Variants in HFM1 observed in about 807,000 individuals in gnomAD.
HFM1 encodes the protein probable ATP-dependent DNA helicase HFM1.
HFM1 carries 169 observed loss-of-function variants against 192.1 expected under a neutral mutation model. The ratio of observed to expected loss-of-function variants is 0.88; its 90% CI spans 0.78 to 1.00. The LOEUF (loss-of-function observed/expected upper bound fraction) is 1.00. HFM1 is among the 50% of genes least tolerant of loss of function. The pLI, the probability that HFM1 is intolerant of heterozygous loss-of-function variation, is 0.00. For synonymous variants in HFM1, 525 were observed against 537.8 expected (o/e 0.98, Z 0.33); for missense variants, 1,661 against 1,668.0 (o/e 1.00, Z 0.07).
intron 20 of HFM1, chr1:91,328,353 A>G: frequency 6.5e-7 from 1 of 1,541,850 alleles, no homozygotes; most frequent in Non-Finnish European, 8.7e-7. Context: ...CGTGTCCCAA[A>G]GGCCAGTCAT....
At chr1:91,394,070 T>C (rs1231016007) in intron 4 of HFM1, 23 bp downstream of exon 4, 1 of 1,245,030 alleles carries the variant, frequency 8.0e-7, no homozygotes, top group Non-Finnish European at 1.1e-6. Context: ...CAGAATATTA[T>C]TTAGTTTAAT....
intron 2 of HFM1, among the ~76,000 whole-genome samples, 157 bp downstream of exon 2, chr1:91,400,855 A>G (rs575263361): frequency 6.6e-6 from 1 of 152,358 alleles, no homozygotes; most frequent in Admixed American, 6.5e-5. Flanking sequence ...TACTACTGGT[A>G]AGAGAATTCC....
intron 16 of HFM1, 48 bp downstream of exon 16, chr1:91,352,457 TG>T (rs766657381): frequency 7.1e-7 from 1 of 1,400,740 alleles, no homozygotes; most frequent in South Asian, 1.5e-5. Context: ...ACAATTTTTT[TG>T]TTTTTATCAT....
At chr1:91,334,078 G>A (rs1357392413) in intron 20 of HFM1, among the ~76,000 whole-genome samples, 1 of 152,108 alleles carries the variant, frequency 6.6e-6, no homozygotes, top group Admixed American at 6.5e-5. Flanking sequence ...TTATGACGTT[G>A]GGGAAAATCC....
intron 38 of HFM1, 148 bp downstream of exon 38, chr1:91,262,093 C>A: frequency 2.3e-6 from 1 of 439,354 alleles, no homozygotes; most frequent in Non-Finnish European, 4.1e-6. Context: ...AAGAGCTTAG[C>A]TCACTGAGGT....
At chr1:91,289,638 A>T (rs900289365) in intron 30 of HFM1, among the ~76,000 whole-genome samples, 18 of 152,286 alleles carry the variant, frequency 1.2e-4, no homozygotes, top group Non-Finnish European at 2.2e-4. Context: ...GGCTGGCAGA[A>T]CACTCGCAGT....
chr1:91,285,618 T>A (rs1223282069), intron 30 of HFM1, among the ~76,000 whole-genome samples: 2 of 152,272 alleles, frequency 1.3e-5, no homozygotes, highest in East Asian at 3.9e-4. Context: ...AATTTGCATA[T>A]AAAAATTGAA....
intron 11 of HFM1, among the ~76,000 whole-genome samples, chr1:91,376,370 T>C (rs995765834): frequency 6.6e-6 from 1 of 151,880 alleles, no homozygotes; most frequent in Non-Finnish European, 1.5e-5. Context: ...AAGGTTATCA[T>C]GAGTAGGGAT....
intron 30 of HFM1, among the ~76,000 whole-genome samples, chr1:91,277,999 C>T (rs1667109220): frequency 7.1e-6 from 1 of 141,028 alleles, no homozygotes. Flanking sequence ...AAAATAGGGC[C>T]AAATATGGCC....
chr1:91,351,450 A>T, intron 17 of HFM1, 99 bp downstream of exon 17: 2 of 651,326 alleles, frequency 3.1e-6, no homozygotes, highest in Admixed American at 6.2e-5. Flanking sequence ...AAATTGCCTT[A>T]AAAAAATCTC....
chr1:91,262,980 T>C (rs979957424), intron 36 of HFM1, among the ~76,000 whole-genome samples: 1 of 152,264 alleles, frequency 6.6e-6, no homozygotes, highest in Non-Finnish European at 1.5e-5. Context: ...AGTTATCTTA[T>C]TAGATATAAC....
At chr1:91,384,017 T>C (rs1661879397) in intron 6 of HFM1, among the ~76,000 whole-genome samples, 2 of 152,214 alleles carry the variant, frequency 1.3e-5, no homozygotes, top group African/African-American at 4.8e-5. Flanking sequence ...ACCTTTGACC[T>C]TGGTATTCAT....
chr1:91,308,067 G>A (rs192245712), intron 30 of HFM1, among the ~76,000 whole-genome samples: 23 of 152,206 alleles, frequency 1.5e-4, no homozygotes, highest in African/African-American at 5.5e-4. Flanking sequence ...AATATGTCCA[G>A]GTGTGGTTTT....
intron 1 of HFM1, chr1:91,404,516 C>T (rs778195407): frequency 3.7e-4 from 78 of 213,444 alleles, no homozygotes; most frequent in Non-Finnish European, 6.5e-4. Context: ...GGGCCGGACG[C>T]CCAGCCGGTC....
At chr1:91,328,276 G>C (rs1236913819) in intron 20 of HFM1, 9 of 838,070 alleles carry the variant, frequency 1.1e-5, no homozygotes, top group Non-Finnish European at 1.4e-5. Context: ...CTAAGCTGAG[G>C]GGGGAAAGTG....
chr1:91,301,447 T>C (rs1170056179), intron 30 of HFM1, among the ~76,000 whole-genome samples: 1 of 79,936 alleles, frequency 1.3e-5, no homozygotes, highest in Non-Finnish European at 2.4e-5. Flanking sequence ...AAAGTTCACA[T>C]GGAACCGAAA....
At chr1:91,297,254 G>A (rs1022730762) in intron 30 of HFM1, among the ~76,000 whole-genome samples, 4 of 152,196 alleles carry the variant, frequency 2.6e-5, no homozygotes, top group East Asian at 1.9e-4. Context: ...AGGGGCACCC[G>A]CCATTGCCGA....
At chr1:91,334,343 G>T (rs1417483872) in intron 20 of HFM1, among the ~76,000 whole-genome samples, 1 of 152,124 alleles carries the variant, frequency 6.6e-6, no homozygotes, top group Admixed American at 6.5e-5. Flanking sequence ...ATTAAAAATG[G>T]ATATATAGTA....
intron 30 of HFM1, among the ~76,000 whole-genome samples, chr1:91,297,680 G>A (rs954342851): frequency 3.3e-5 from 5 of 152,206 alleles, no homozygotes; most frequent in African/African-American, 1.2e-4. Context: ...CAGGAAAACA[G>A]GGTCTGGAGT....
Sources: gnomAD v4.1 joint callset for allele counts (sites outside exome capture counted in the v4.1 genomes callset) on GRCh38, gnomAD v4.1.1 for gene constraint, MANE v1.5 for transcripts, NCBI Gene and HGNC (gene_info 2026-07-23, HGNC 2026-07-21) for gene names.